The following IQGAP1 variants were observed in gnomAD, a reference collection of about 807,000 sequenced individuals.
The protein encoded by IQGAP1 is ras GTPase-activating-like protein IQGAP1.
Under a neutral mutation model 215.6 loss-of-function variants are expected in IQGAP1, and 66 were observed. That is an observed-to-expected ratio of 0.31 (90% CI 0.25 to 0.38). IQGAP1 has a LOEUF of 0.38. Ranked by LOEUF, IQGAP1 falls within the 10% of genes least tolerant of loss-of-function variation. IQGAP1 has a pLI of 1.00. For missense variants in IQGAP1, 1,712 were observed against 1,997.1 expected, an observed-to-expected ratio of 0.86 and a Z score of 2.72; for synonymous variants, 772 against 728.7, an observed-to-expected ratio of 1.06 and a Z score of -0.96.
intron 5 of IQGAP1, among the ~76,000 whole-genome samples, chr15:90,436,852 G>A (rs1011329120): frequency 1.2e-4 from 19 of 152,332 alleles, no homozygotes; most frequent in African/African-American, 4.6e-4. Flanking sequence ...AGAGTTAAAA[G>A]AAAGATGGTG....
chr15:90,406,678 G>A lies in IQGAP1; in HGVS notation c.155+15805G>A, dbSNP rs570709362. Among the ~76,000 whole-genome samples, 6 of 152,308 alleles carry A rather than the reference G, an allele frequency of 3.9e-5. No homozygotes were observed. In the East Asian group the frequency reaches 5.8e-4, roughly 15 times the overall value. On this transcript the variant is annotated intron_variant, in intron 2 of 37. Transcript: ENST00000268182. ...CATTTTTATTGGGACTTACTAGGGC[G>A]TCAGTGATGTGTCAGTGAAGTTAGG...
At chr15:90,452,055 C>T (rs62020733) in intron 11 of IQGAP1, among the ~76,000 whole-genome samples, 45,383 of 152,034 alleles carry the variant, frequency 0.3, 6,904 homozygotes, top group South Asian at 0.38. Flanking sequence ...GTCTCGATCT[C>T]CTGACCTCGT....
intron 15 of IQGAP1, among the ~76,000 whole-genome samples, chr15:90,457,419 A>T (rs1965699719): frequency 6.6e-6 from 1 of 151,400 alleles, no homozygotes; most frequent in South Asian, 2.1e-4. Flanking sequence ...AGACTGTTGT[A>T]AATAGGGCTT....
intron 2 of IQGAP1, among the ~76,000 whole-genome samples, chr15:90,424,487 A>G (rs1440276662): frequency 1.3e-5 from 2 of 152,348 alleles, no homozygotes; most frequent in Admixed American, 6.5e-5. Flanking sequence ...TCATATACCC[A>G]TCAGGCTTCA....
chr15:90,448,127 T>C (rs564566912), intron 9 of IQGAP1, among the ~76,000 whole-genome samples: 97 of 152,288 alleles, frequency 6.4e-4, no homozygotes, highest in Non-Finnish European at 1.1e-3. Flanking sequence ...AACTTTAGGG[T>C]TGGAGCTTTA....
intron 2 of IQGAP1, among the ~76,000 whole-genome samples, chr15:90,412,172 AGTT>A (rs1300920739): frequency 6.6e-6 from 1 of 152,224 alleles, no homozygotes; most frequent in African/African-American, 2.4e-5. Flanking sequence ...TACACACAGA[AGTT>A]AAATATATAA....
At chr15:90,426,729 C>T (rs192015317) in intron 3 of IQGAP1, among the ~76,000 whole-genome samples, 2 of 151,746 alleles carry the variant, frequency 1.3e-5, no homozygotes, top group Non-Finnish European at 2.9e-5. Context: ...CTGAGGTGGG[C>T]GGATCACAAG....
chr15:90,396,095 T>G (rs1385231119), intron 2 of IQGAP1, among the ~76,000 whole-genome samples: 3 of 152,216 alleles, frequency 2.0e-5, no homozygotes, highest in African/African-American at 4.8e-5. Flanking sequence ...GTATGTCACT[T>G]TCTGTAATTT....
intron 36 of IQGAP1, among the ~76,000 whole-genome samples, chr15:90,495,254 G>T (rs185497382): frequency 1.4e-4 from 21 of 152,236 alleles, no homozygotes; most frequent in Admixed American, 1.3e-3. Context: ...GTGGTTCATG[G>T]ACCTGACATG....
At chr15:90,397,889 T>TTTTTTTTTTTTTTTTTTTTTTTTCC (rs1964749203) in intron 2 of IQGAP1, 1 of 126,946 alleles carries the variant, frequency 7.9e-6, no homozygotes, top group African/African-American at 3.2e-5. Context: ...TTTTTTTTTC[T>TTTTTTTTTTTTTTTTTTTTTTTTCC]TTTTTTTTTT....
At chr15:90,483,233 A>G (rs1567141307) in intron 28 of IQGAP1, 128 bp from the exon 29 acceptor site, 5 of 647,918 alleles carry the variant, frequency 7.7e-6, no homozygotes, top group Admixed American at 2.6e-5. Flanking sequence ...ATGCGTGTGT[A>G]TATGTATTTT....
chr15:90,469,233 C>T (rs1226553622), intron 18 of IQGAP1, among the ~76,000 whole-genome samples: 1 of 150,492 alleles, frequency 6.6e-6, no homozygotes, highest in Non-Finnish European at 1.5e-5. Context: ...GGTCGTTAGA[C>T]ATATTACTAA....
chr15:90,470,576 T>G (rs971211009), intron 18 of IQGAP1, among the ~76,000 whole-genome samples: 4 of 152,106 alleles, frequency 2.6e-5, no homozygotes, highest in African/African-American at 9.7e-5. Context: ...TACAAAATTT[T>G]TTTAAAGCCC....
At chr15:90,428,760 G>A (rs1037869268) in intron 3 of IQGAP1, among the ~76,000 whole-genome samples, 1 of 152,060 alleles carries the variant, frequency 6.6e-6, no homozygotes, top group Admixed American at 6.6e-5. Flanking sequence ...TTGTGCCAGT[G>A]CACTGCAGCC....
At chr15:90,448,261 G>A (rs568239595) in intron 9 of IQGAP1, among the ~76,000 whole-genome samples, 225 of 152,282 alleles carry the variant, frequency 1.5e-3, no homozygotes, top group Non-Finnish European at 2.4e-3. Flanking sequence ...GAATTTAAGC[G>A]TCATGTTGGT....
In IQGAP1 at chr15:90,501,303, GTT is replaced by G. The variant is rs992012490; in HGVS notation, c.*1198_*1199del. The stretch of plus-strand genomic sequence containing the variant: ...TTGTGCCTTTATTTTATGAGCCCCA[GTT>G]TTCTGGGCTTAGTTTAAAAAAAAAA... On this transcript the variant is annotated 3_prime_UTR_variant, in exon 38 of 38. Transcript: ENST00000268182. 6.7e-6 allele frequency: 1 copy of G among 149,054 alleles called. No homozygotes were observed. Among genetic ancestry groups the G allele is most frequent in the African/African-American group, 2.5e-5 (1 of 40,292 alleles). The allele number at this position is 149,054 out of a possible 1,614,324, so 9.2% of individuals were successfully genotyped here. A position where few individuals can be genotyped will look rare whatever the true frequency, so the allele number is the denominator to read the frequency against.
intron 2 of IQGAP1, among the ~76,000 whole-genome samples, chr15:90,394,655 A>G (rs1254179632): frequency 6.6e-6 from 1 of 152,046 alleles, no homozygotes; most frequent in Non-Finnish European, 1.5e-5. Context: ...GTTTGGTTCC[A>G]TCCTGTTTCC....
In IQGAP1 at chr15:90,452,929, A is replaced by G. The variant is rs368018518; in HGVS notation, c.1317A>G (p.Gln439=). ...AGGAGCTGGCTACCCTGCAGCGACA[A>G]AGTCCTGAAGTGAGTTCACTAAACC... is the stretch of plus-strand genomic sequence containing the variant. ...YQKELATLQR[Q]SPEHNLTHPE... Residue 439 remains glutamine (Q), a synonymous_variant, in exon 12 of 38, where the codon CAA becomes CAG. Transcript: ENST00000268182. 16 of 1,613,790 alleles carry G rather than the reference A, an allele frequency of 9.9e-6. No homozygotes were observed. The highest frequency in any genetic ancestry group is 1.7e-5 in the Admixed American group (1 of 59,996).
intron 30 of IQGAP1, among the ~76,000 whole-genome samples, chr15:90,484,801 G>A (rs565654731): frequency 3.3e-5 from 5 of 152,176 alleles, no homozygotes; most frequent in African/African-American, 1.2e-4. Flanking sequence ...GAGCCACCAC[G>A]CCTGGCCTTT....
Sources: gnomAD v4.1 joint callset for allele counts (sites outside exome capture counted in the v4.1 genomes callset) on GRCh38, gnomAD v4.1.1 for gene constraint, MANE v1.5 for transcripts, NCBI Gene and HGNC (gene_info 2026-07-23, HGNC 2026-07-21) for gene names.